The following FER1L6 variants were observed in gnomAD, a reference collection of about 807,000 sequenced individuals.
FER1L6 encodes the protein fer-1-like protein 6.
A neutral mutation model predicts 219.2 loss-of-function variants in FER1L6; 177 were observed. That is an observed-to-expected ratio of 0.81 (90% CI 0.71 to 0.91). The LOEUF is 0.91. Ranked by LOEUF, FER1L6 falls within the 40% of genes least tolerant of loss-of-function variation. FER1L6 has a pLI of 0.00. For synonymous variants in FER1L6, 768 were observed against 824.3 expected (o/e 0.93, Z 1.17); for missense variants, 2,153 against 2,259.9 (o/e 0.95, Z 0.96).
chr8:123,881,448 CTT>C (rs1196551000), intron 1 of FER1L6, among the ~76,000 whole-genome samples: 1 of 152,176 alleles, frequency 6.6e-6, no homozygotes, highest in Non-Finnish European at 1.5e-5. Flanking sequence ...TGAGTACTGA[CTT>C]ATATGATATT....
At chr8:123,976,274 G>A (rs957431308) in intron 9 of FER1L6, among the ~76,000 whole-genome samples, 190 bp downstream of exon 9, 4 of 152,168 alleles carry the variant, frequency 2.6e-5, no homozygotes, top group South Asian at 2.1e-4. Context: ...GGCTGAGGTG[G>A]TGAATCACTT....
chr8:124,082,520 C>T, intron 33 of FER1L6, 62 bp downstream of exon 33: 3 of 1,468,834 alleles, frequency 2.0e-6, no homozygotes, highest in Non-Finnish European at 2.8e-6. Context: ...TTTAGGGCTC[C>T]AGACTCTGCA....
intron 1 of FER1L6, among the ~76,000 whole-genome samples, chr8:123,862,909 G>A (rs1816770522): frequency 6.8e-6 from 1 of 146,108 alleles, no homozygotes. Flanking sequence ...TATCAATTTT[G>A]TTGATCCTTT....
At chr8:124,008,879 A>G (rs765672268) in intron 13 of FER1L6, among the ~76,000 whole-genome samples, 4 of 152,252 alleles carry the variant, frequency 2.6e-5, no homozygotes, top group Admixed American at 6.5e-5. Flanking sequence ...AATGCTCAAC[A>G]TCACTAATGA....
chr8:124,002,945 T>C (rs775859923), intron 12 of FER1L6, among the ~76,000 whole-genome samples: 1 of 152,168 alleles, frequency 6.6e-6, no homozygotes, highest in Non-Finnish European at 1.5e-5. Context: ...TATTTTCTAA[T>C]TTGTCATTTG....
At chr8:124,100,006 C>A (rs962422714) in intron 37 of FER1L6, among the ~76,000 whole-genome samples, 3 of 152,244 alleles carry the variant, frequency 2.0e-5, no homozygotes, top group East Asian at 3.9e-4. Context: ...ACTCCCCTGG[C>A]GTCAAGCTCT....
At chr8:123,990,383 A>T (rs1036967972) in intron 12 of FER1L6, among the ~76,000 whole-genome samples, 1 of 152,154 alleles carries the variant, frequency 6.6e-6, no homozygotes, top group Non-Finnish European at 1.5e-5. Context: ...TCACGCCAAC[A>T]TCTATTGTTT....
chr8:123,867,514 G>T (rs1816856516), intron 1 of FER1L6, among the ~76,000 whole-genome samples: 1 of 152,144 alleles, frequency 6.6e-6, no homozygotes, highest in Non-Finnish European at 1.5e-5. Flanking sequence ...TTGAAATTCT[G>T]ACTCTAGTAC....
intron 19 of FER1L6, among the ~76,000 whole-genome samples, chr8:124,038,439 C>G (rs1270840139): frequency 6.6e-6 from 1 of 152,182 alleles, no homozygotes; most frequent in African/African-American, 2.4e-5. Context: ...TTCGTTGCCC[C>G]TAACTGCTTT....
At chr8:124,118,803 T>C in intron 39 of FER1L6, 41 bp from the exon 40 acceptor site, 1 of 1,580,098 alleles carries the variant, frequency 6.3e-7, no homozygotes. Context: ...GCTCAGTGGG[T>C]CTTTGTGACT....
intron 39 of FER1L6, among the ~76,000 whole-genome samples, chr8:124,106,197 C>T (rs1006434735): frequency 5.3e-5 from 8 of 151,730 alleles, no homozygotes; most frequent in African/African-American, 1.2e-4. Context: ...GGCGTGGTGG[C>T]GGGTGCCTGT....
intron 17 of FER1L6, 122 bp downstream of exon 17, chr8:124,021,791 AC>A: frequency 9.5e-7 from 1 of 1,055,928 alleles, no homozygotes; most frequent in Non-Finnish European, 1.4e-6. Context: ...CTAGTGGGCT[AC>A]GCAGGCACTC....
In FER1L6 at chr8:124,054,063, G is replaced by A. The variant is rs73328367; in HGVS notation, c.2874+4307G>A. Reference sequence around the variant, plus strand: ...CATGTCTTTATCCACAGCCAGGCCCGCCCTGCAGATTGTTCCTTGAATGGT... The same window carrying A: ...CATGTCTTTATCCACAGCCAGGCCCACCCTGCAGATTGTTCCTTGAATGGT... On this transcript the variant is annotated intron_variant, in intron 22 of 40. Transcript: ENST00000522917. Among the ~76,000 whole-genome samples the A allele has an allele frequency of 9.9e-3, 1,501 of 152,138 alleles. 28 individuals are homozygous for A. Among genetic ancestry groups the A allele is most frequent in the African/African-American group, 0.031 (1,276 of 41,474 alleles).
chr8:123,940,209 C>A (rs1230869584), intron 1 of FER1L6, among the ~76,000 whole-genome samples: 2 of 152,094 alleles, frequency 1.3e-5, no homozygotes, highest in East Asian at 3.9e-4. Context: ...AAATGCATTC[C>A]CTCTGGCAGG....
chr8:123,911,337 TTAA>T (rs1050217047), intron 1 of FER1L6, among the ~76,000 whole-genome samples: 8 of 152,152 alleles, frequency 5.3e-5, no homozygotes, highest in African/African-American at 1.9e-4. Flanking sequence ...GGTCATAGTA[TTAA>T]TAATAATAAT....
At chr8:123,910,399 T>C (rs936069398) in intron 1 of FER1L6, among the ~76,000 whole-genome samples, 4 of 152,166 alleles carry the variant, frequency 2.6e-5, no homozygotes, top group East Asian at 1.9e-4. Context: ...GGTAGAACAC[T>C]AGGGAGAGGA....
chr8:123,996,591 T>C (rs1586568826), intron 12 of FER1L6, among the ~76,000 whole-genome samples: 1 of 152,264 alleles, frequency 6.6e-6, no homozygotes, highest in African/African-American at 2.4e-5. Context: ...TGCCACTGTA[T>C]ATTTTTTGAT....
chr8:124,077,792 A>C (rs915361959), intron 32 of FER1L6, among the ~76,000 whole-genome samples: 1 of 152,112 alleles, frequency 6.6e-6, no homozygotes, highest in African/African-American at 2.4e-5. Context: ...CCAGATGTGG[A>C]TGTTTAGTTG....
At chr8:124,053,688 G>C (rs530027181) in intron 22 of FER1L6, among the ~76,000 whole-genome samples, 2 of 152,038 alleles carry the variant, frequency 1.3e-5, no homozygotes, top group Middle Eastern at 3.4e-3. Flanking sequence ...TGGGATCCCC[G>C]TCTCTACAAA....
Sources: allele counts gnomAD v4.1 joint callset (sites outside exome capture counted in the v4.1 genomes callset), GRCh38; gene constraint gnomAD v4.1.1; transcripts MANE v1.5; gene names NCBI Gene and HGNC (gene_info 2026-07-23, HGNC 2026-07-21).